The following FNTB variants were observed in gnomAD, a reference collection of about 807,000 sequenced individuals.
FNTB encodes the protein protein farnesyltransferase subunit beta.
In FNTB, 27 loss-of-function variants were observed where a neutral mutation model predicts 59.4. The observed-to-expected ratio is 0.45, with a 90% CI of 0.34 to 0.63. FNTB has a LOEUF of 0.63. Among genes scored for constraint, FNTB ranks in the 20% least tolerant of loss-of-function variants. The probability of loss-of-function intolerance (pLI) is 0.02; values close to 1 mark genes in which losing one functional copy is unlikely to be tolerated. For synonymous variants in FNTB, 230 were observed against 220.7 expected (o/e 1.04, Z -0.37); for missense variants, 449 against 559.6 (o/e 0.80, Z 1.99).
intron 1 of FNTB, among the ~76,000 whole-genome samples, chr14:64,998,956 A>G (rs1364723448): frequency 6.6e-6 from 1 of 150,798 alleles, no homozygotes; most frequent in Non-Finnish European, 1.5e-5. Context: ...GAAATGTGAT[A>G]GATCTACACA....
At chr14:65,035,221 C>T (rs1156335920) in intron 7 of FNTB, among the ~76,000 whole-genome samples, 10 of 152,146 alleles carry the variant, frequency 6.6e-5, no homozygotes, top group South Asian at 2.1e-4. Flanking sequence ...CTGCTGCTGC[C>T]GCCCTGGGCT....
At chr14:65,019,687 C>T (rs961289132) in intron 4 of FNTB, among the ~76,000 whole-genome samples, 5 of 152,118 alleles carry the variant, frequency 3.3e-5, no homozygotes, top group African/African-American at 1.2e-4. Flanking sequence ...GGTTCTTCTA[C>T]GCATTGATTT....
intron 10 of FNTB, among the ~76,000 whole-genome samples, chr14:65,053,695 AAC>A (rs1595097865): frequency 6.6e-6 from 1 of 152,198 alleles, no homozygotes; most frequent in South Asian, 2.1e-4. Context: ...CAGTGTTGTA[AAC>A]AGAGACTGTA....
chr14:65,053,251 T>C lies in FNTB; in HGVS notation c.969T>C (p.Leu323=), dbSNP rs2062653019. Residue 323 remains leucine, a synonymous_variant, in exon 10 of 12, where the codon CTT becomes CTC. Coordinates refer to ENST00000246166, the MANE Select transcript of FNTB (RefSeq NM_002028.4). ...GCCCTTCAACAGGTGACCCTGCCCT[T>C]AGCATGAGCCACTGGATGTTCCATC... ...RALHAQGDPA[L]SMSHWMFHQQ... is the part of the protein sequence containing the mutation. 7 of 1,415,514 alleles carry C rather than the reference T, an allele frequency of 4.9e-6. No homozygotes were observed. Among genetic ancestry groups the C allele is most frequent in the African/African-American group, 1.5e-5 (1 of 68,336 alleles). The allele number at this position is 1,415,514 out of a possible 1,614,324, so 87.7% of individuals were successfully genotyped here. A position where few individuals can be genotyped will look rare whatever the true frequency, so the allele number is the denominator to read the frequency against.
chr14:65,061,385 A>G lies in FNTB; in HGVS notation c.*73A>G. 6.3e-7 allele frequency: 1 copy of G among 1,595,782 alleles called. No individual in the cohort carries two copies. The highest frequency in any genetic ancestry group is 8.5e-7 in the Non-Finnish European group (1 of 1,171,898). On this transcript the variant is annotated 3_prime_UTR_variant, in exon 12 of 12. Coordinates refer to ENST00000246166, the MANE Select transcript of FNTB (RefSeq NM_002028.4). The stretch of plus-strand genomic sequence containing the variant: ...ACAAGGTTTATACGTTTCAATACAT[A>G]CTGCATTCTGTGCTACACAAGCCTT...
intron 2 of FNTB, 34 bp downstream of exon 2, chr14:65,004,347 G>C (rs1317707095): frequency 6.2e-7 from 1 of 1,603,926 alleles, no homozygotes; most frequent in African/African-American, 1.3e-5. Context: ...GGGGATCTGG[G>C]AGAACACCAC....
At chr14:65,039,514 C>G (rs1187490309) in intron 7 of FNTB, among the ~76,000 whole-genome samples, 3 of 152,196 alleles carry the variant, frequency 2.0e-5, no homozygotes, top group African/African-American at 7.2e-5. Flanking sequence ...ACGCATTCCA[C>G]TTTGTGGAGG....
In FNTB at chr14:65,005,756, C is replaced by T. The variant is rs78643686; in HGVS notation, c.209+1443C>T. The stretch of plus-strand genomic sequence containing the variant: ...CTGCGAATCCTTTCAGTGCAGCCTC[C>T]GCAGTAGCTGGGACTATGGGAACAC... On this transcript the variant is annotated intron_variant, in intron 2 of 11. Transcript: ENST00000246166. 8.9e-3 allele frequency among the ~76,000 whole-genome samples: 1,347 copies of T among 152,130 alleles called. 24 individuals are homozygous for T. The highest frequency in any genetic ancestry group is 0.054 in the South Asian group (260 of 4,812).
At chr14:65,002,083 G>A (rs955434608) in intron 1 of FNTB, among the ~76,000 whole-genome samples, 1 of 152,180 alleles carries the variant, frequency 6.6e-6, no homozygotes, top group Non-Finnish European at 1.5e-5. Flanking sequence ...CTACCTCAAT[G>A]GGTATTTCGG....
chr14:65,052,192 A>G (rs887573840), intron 9 of FNTB, among the ~76,000 whole-genome samples: 7 of 152,194 alleles, frequency 4.6e-5, no homozygotes, highest in Admixed American at 2.0e-4. Context: ...GAAATACTAT[A>G]TGGCTATTCA....
Position 65,014,608 on chromosome 14 carries a change from G to A in FNTB, c.283-1017G>A, listed in dbSNP as rs1174484406. 1.3e-5 allele frequency among the ~76,000 whole-genome samples: 2 copies of A among 152,162 alleles called. No individual in the cohort carries two copies. Among genetic ancestry groups the A allele is most frequent in the East Asian group, 3.8e-4 (2 of 5,198 alleles). ...GCAGGTGAATTGCTTCAGCCCAGGA[G>A]TTCAAGACCAGCCTGGGCAACATAG... On this transcript the variant is annotated intron_variant, in intron 3 of 11. Coordinates refer to ENST00000246166, the MANE Select transcript of FNTB (RefSeq NM_002028.4). This position sits in a 1 kb window ranked among gnomAD's most constrained non-coding sequence, Gnocchi z 5.1.
intron 7 of FNTB, among the ~76,000 whole-genome samples, chr14:65,038,181 C>T (rs901958458): frequency 9.9e-5 from 15 of 152,072 alleles, no homozygotes; most frequent in African/African-American, 3.1e-4. Context: ...GAGGCTGAGG[C>T]GGGCGGATCA....
chr14:65,039,497 G>C (rs2062294766), intron 7 of FNTB, among the ~76,000 whole-genome samples: 1 of 152,186 alleles, frequency 6.6e-6, no homozygotes, highest in Non-Finnish European at 1.5e-5. Flanking sequence ...CAACAAACTT[G>C]GTTCAGACGC....
intron 1 of FNTB, among the ~76,000 whole-genome samples, chr14:65,000,592 C>G (rs531967746): frequency 6.6e-6 from 1 of 151,644 alleles, no homozygotes; most frequent in South Asian, 2.1e-4. Flanking sequence ...AGGCTGAGAC[C>G]GGCAGATCAC....
intron 7 of FNTB, among the ~76,000 whole-genome samples, chr14:65,038,450 T>C (rs540399863): frequency 2.0e-5 from 3 of 151,914 alleles, no homozygotes; most frequent in South Asian, 4.2e-4. Context: ...CCGGGTGCAG[T>C]GGCTCATACC....
In FNTB at chr14:65,014,130, C is replaced by T. The variant is rs893844093; in HGVS notation, c.283-1495C>T. 4.6e-5 allele frequency among the ~76,000 whole-genome samples: 7 copies of T among 152,310 alleles called. No individual in the cohort carries two copies. Among genetic ancestry groups the T allele is most frequent in the Admixed American group, 1.3e-4 (2 of 15,300 alleles). On this transcript the variant is annotated intron_variant, in intron 3 of 11. Coordinates refer to ENST00000246166, the MANE Select transcript of FNTB (RefSeq NM_002028.4). The surrounding 1 kb of genome is among the most constrained non-coding windows in gnomAD (Gnocchi z 5.1). ...AGAACACTGGATTGACTCTAAAAAC[C>T]TAGGTTCTTGTCTCACCTCTGACAT...
chr14:65,046,900 G>A (rs1447401757), intron 9 of FNTB, among the ~76,000 whole-genome samples: 1 of 151,710 alleles, frequency 6.6e-6, no homozygotes, highest in African/African-American at 2.4e-5. Flanking sequence ...GGTATTTCTT[G>A]CATAAAAAAA....
chr14:65,004,222 C>A, intron 1 of FNTB, 27 bp from the exon 2 acceptor site: 1 of 1,605,976 alleles, frequency 6.2e-7, no homozygotes, highest in Non-Finnish European at 8.5e-7. Flanking sequence ...TTTGTTTTCT[C>A]TCTCCTATCT....
intron 3 of FNTB, among the ~76,000 whole-genome samples, chr14:65,013,307 C>T (rs1408575392): frequency 2.0e-5 from 3 of 146,534 alleles, no homozygotes; most frequent in Non-Finnish European, 4.5e-5. Flanking sequence ...CCCAGGGTTG[C>T]CAAATCATCT....
Sources: gnomAD v4.1 joint callset for allele counts (sites outside exome capture counted in the v4.1 genomes callset) on GRCh38, gnomAD v4.1.1 for gene constraint, Gnocchi (gnomAD v3.1) non-coding constraint, MANE v1.5 for transcripts, NCBI Gene and HGNC (gene_info 2026-07-23, HGNC 2026-07-21) for gene names.